Variants in PDZD2 observed in about 807,000 individuals in gnomAD.
PDZD2 encodes the protein PDZ domain-containing protein 2.
A neutral mutation model predicts 220.7 loss-of-function variants in PDZD2; 90 were observed. That is an observed-to-expected ratio of 0.41 (90% CI 0.34 to 0.49). The LOEUF is 0.49. Among genes scored for constraint, PDZD2 ranks in the 20% least tolerant of loss-of-function variants. PDZD2 has a pLI of 0.28. For missense variants in PDZD2, 3,174 were observed against 3,608.5 expected, an observed-to-expected ratio of 0.88 and a Z score of 3.08; for synonymous variants, 1,375 against 1,450.5, an observed-to-expected ratio of 0.95 and a Z score of 1.18.
At chr5:32,027,315 AC>A (rs2112172302) in intron 6 of PDZD2, among the ~76,000 whole-genome samples, 1 of 152,280 alleles carries the variant, frequency 6.6e-6, no homozygotes, top group South Asian at 2.1e-4. Context: ...ATGACTGATT[AC>A]ATTCCTGTGC....
At position 31,995,583 on chromosome 5, in the gene PDZD2, T is replaced by C. The variant is rs1445084087; in HGVS notation, c.986T>C (p.Val329Ala). ...CTCACTTTTTCTTCCAAGGAGGAAGTTGGCCGAATATGGAAGATGGAGCTG... is the reference window on the plus strand; with the variant it reads ...CTCACTTTTTCTTCCAAGGAGGAAGCTGGCCGAATATGGAAGATGGAGCTG... ...QSSDCLAREE[V>A]GRIWKMELLK... Residue 329 changes from valine to alanine, a missense_variant, in exon 4 of 25, where the codon GTT becomes GCT. Physicochemically the swap from Val to Ala is moderately conservative, Grantham distance 64 (BLOSUM62 0). Transcript: ENST00000438447. 3 of 1,614,128 alleles carry C rather than the reference T, an allele frequency of 1.9e-6. No homozygotes were observed. In the East Asian group the frequency reaches 6.7e-5, roughly 36 times the overall value.
chr5:31,767,354 C>T (rs6870260), intron 1 of PDZD2, among the ~76,000 whole-genome samples: 26,413 of 152,156 alleles, frequency 0.17, 3,361 homozygotes, highest in East Asian at 0.48. Context: ...TTTAACCATA[C>T]AGGACTTCTC....
chr5:31,917,556 T>C (rs1743799431), intron 2 of PDZD2, among the ~76,000 whole-genome samples: 1 of 151,994 alleles, frequency 6.6e-6, no homozygotes, highest in African/African-American at 2.4e-5. Flanking sequence ...TCCCTTTCCA[T>C]TGAAGGATGT....
intron 3 of PDZD2, among the ~76,000 whole-genome samples, chr5:31,988,185 C>T (rs558149347): frequency 6.4e-4 from 98 of 152,312 alleles, no homozygotes; most frequent in Middle Eastern, 3.4e-3. Context: ...TGCACACACA[C>T]GCACACTGTA....
intron 10 of PDZD2, among the ~76,000 whole-genome samples, chr5:32,056,573 A>C (rs1561466073): frequency 6.6e-6 from 1 of 152,224 alleles, no homozygotes; most frequent in Non-Finnish European, 1.5e-5. Flanking sequence ...CAGGATGTCC[A>C]AGTTCTTTTA....
intron 2 of PDZD2, among the ~76,000 whole-genome samples, chr5:31,956,440 G>A (rs1222194010): frequency 2.7e-5 from 4 of 148,146 alleles, no homozygotes; most frequent in South Asian, 4.3e-4. Flanking sequence ...CCAGCTACTC[G>A]GGAGGCTGAG....
At chr5:32,041,636 G>T (rs186220278) in intron 7 of PDZD2, among the ~76,000 whole-genome samples, 22 of 152,146 alleles carry the variant, frequency 1.4e-4, no homozygotes, top group African/African-American at 5.3e-4. Context: ...ACAAATGCTT[G>T]AAGGCAGCAT....
At chr5:31,785,837 G>C (rs1425222716) in intron 1 of PDZD2, among the ~76,000 whole-genome samples, 1 of 151,948 alleles carries the variant, frequency 6.6e-6, no homozygotes, top group Non-Finnish European at 1.5e-5. Context: ...TCGCCCCAAG[G>C]TTCGGTGGTT....
At chr5:31,744,660 CT>C (rs1750478663) in intron 1 of PDZD2, among the ~76,000 whole-genome samples, 2 of 152,106 alleles carry the variant, frequency 1.3e-5, no homozygotes, top group Non-Finnish European at 2.9e-5. Context: ...TCTCTTTCTC[CT>C]TTTTTGCATG....
intron 7 of PDZD2, among the ~76,000 whole-genome samples, chr5:32,044,868 A>G (rs141538433): frequency 6.6e-6 from 1 of 152,202 alleles, no homozygotes; most frequent in African/African-American, 2.4e-5. Context: ...CTGGAAAAGT[A>G]ATTTAGAGAC....
intron 2 of PDZD2, among the ~76,000 whole-genome samples, chr5:31,836,152 A>T (rs183139505): frequency 4.3e-4 from 66 of 152,302 alleles, no homozygotes; most frequent in Middle Eastern, 3.4e-3. Context: ...TATCTTTATT[A>T]AAAAACAGCA....
At chr5:31,863,665 A>G (rs1737928719) in intron 2 of PDZD2, among the ~76,000 whole-genome samples, 1 of 152,188 alleles carries the variant, frequency 6.6e-6, no homozygotes, top group African/African-American at 2.4e-5. Flanking sequence ...GTTAGAGACA[A>G]TTTTGTCTGG....
At position 31,955,720 on chromosome 5, in the gene PDZD2, G is replaced by T. The variant is rs543470940; in HGVS notation, c.477-27435G>T. 1.0e-4 allele frequency among the ~76,000 whole-genome samples: 13 copies of T among 128,254 alleles called. No individual in the cohort carries two copies. The South Asian group carries it at 1.8e-3, about 17-fold the overall frequency. The allele number at this position is 128,254 out of a possible 152,430, so 84.1% of individuals were successfully genotyped here. A position where few individuals can be genotyped will look rare whatever the true frequency, so the allele number is the denominator to read the frequency against. On this transcript the variant is annotated intron_variant, in intron 2 of 24. Coordinates refer to ENST00000438447, the MANE Select transcript of PDZD2 (RefSeq NM_178140.4). ...TTTTTTTTCTTCTCTAGTTCTTTCA[G>T]ATCAAAAGTTAGGTTATTTGCAGTC...
At position 31,639,542 on chromosome 5, in the gene PDZD2, T is replaced by C. The variant is rs189700; in HGVS notation, c.-361+105T>C. ...CCGTGTGTGCCCAGGAAAGTTTAGCTACAAATCCGGGTGCGGGAATCCCAG... is the reference window on the plus strand; with the variant it reads ...CCGTGTGTGCCCAGGAAAGTTTAGCCACAAATCCGGGTGCGGGAATCCCAG... On this transcript the variant is annotated intron_variant, in intron 1 of 24. Coordinates refer to ENST00000438447, the MANE Select transcript of PDZD2 (RefSeq NM_178140.4). The surrounding 1 kb of genome is among the most constrained non-coding windows in gnomAD (Gnocchi z 4.1). 1 of 151,468 alleles carries C rather than the reference T, an allele frequency of 6.6e-6. No individual in the cohort carries two copies. The highest frequency in any genetic ancestry group is 1.5e-5 in the Non-Finnish European group (1 of 67,880). 9.4% of individuals were successfully genotyped at this position (151,468 alleles called of 1,614,324 possible).
Position 32,089,668 on chromosome 5 carries a change from AAAG to A in PDZD2, c.6221_6223del (p.Lys2074_Gly2075delinsArg). 1 of 1,614,178 alleles carries A rather than the reference AAAG, an allele frequency of 6.2e-7. No homozygotes were observed. The highest frequency in any genetic ancestry group is 8.5e-7 in the Non-Finnish European group (1 of 1,180,040). ...AGCCCAACCCAGGCCGACTGGCGAA[AAAG>A]GAGGCAACATAATGGCCAGCGATCG... On this transcript the variant is annotated inframe_deletion, in exon 20 of 25. Coordinates refer to ENST00000438447, the MANE Select transcript of PDZD2 (RefSeq NM_178140.4).
intron 2 of PDZD2, among the ~76,000 whole-genome samples, chr5:31,859,889 C>T (rs1737519974): frequency 6.6e-6 from 1 of 152,160 alleles, no homozygotes; most frequent in Admixed American, 6.5e-5. Context: ...GAATGACATA[C>T]ACTCTTGCTG....
chr5:31,840,438 A>ATTTATT (rs1175119460), intron 2 of PDZD2: 16 of 63,732 alleles, frequency 2.5e-4, no homozygotes, highest in African/African-American at 4.9e-4. Context: ...ATATATATAT[A>ATTTATT]TATATATATA....
intron 6 of PDZD2, among the ~76,000 whole-genome samples, chr5:32,017,000 G>A (rs1001813020): frequency 1.3e-5 from 2 of 152,226 alleles, no homozygotes; most frequent in Non-Finnish European, 2.9e-5. Context: ...CACTGTGTGT[G>A]TATGGAGATA....
At chr5:31,960,169 T>TCTTTTCTTTCCTTCCTTC (rs368844591) in intron 2 of PDZD2, among the ~76,000 whole-genome samples, 11 of 151,968 alleles carry the variant, frequency 7.2e-5, no homozygotes, top group Non-Finnish European at 1.6e-4. Flanking sequence ...TTGCTTGCTT[T>TCTTTTCTTTCCTTCCTTC]CTTTTCTTTC....
Sources: allele counts gnomAD v4.1 joint callset (sites outside exome capture counted in the v4.1 genomes callset), GRCh38; gene constraint gnomAD v4.1.1; non-coding constraint Gnocchi (gnomAD v3.1); transcripts MANE v1.5; gene names NCBI Gene and HGNC (gene_info 2026-07-23, HGNC 2026-07-21).